Variants in E2F3 observed in about 807,000 individuals in gnomAD.
E2F3 encodes the protein E2F transcription factor 3.
E2F3 carries 11 observed loss-of-function variants against 44.4 expected under a neutral mutation model. The ratio of observed to expected loss-of-function variants is 0.25; its 90% CI spans 0.16 to 0.41. E2F3 has a LOEUF of 0.41. E2F3 is among the 10% of genes least tolerant of loss of function. E2F3 has a pLI of 1.00. For missense variants in E2F3, 487 were observed against 583.6 expected, an observed-to-expected ratio of 0.83 and a Z score of 1.70; for synonymous variants, 249 against 253.0, an observed-to-expected ratio of 0.98 and a Z score of 0.15.
Position 20,424,210 on chromosome 6 carries a change from GGTGTGTGT to G in E2F3, c.393+21618_393+21625del, listed in dbSNP as rs57286350. Among the ~76,000 whole-genome samples, 570 of 136,992 alleles carry G rather than the reference GGTGTGTGT, an allele frequency of 4.2e-3. 5 individuals are homozygous for G. The highest frequency in any genetic ancestry group is 0.015 in the African/African-American group (545 of 36,516). 89.9% of individuals were successfully genotyped at this position (136,992 alleles called of 152,430 possible). ...TTTTGATCTTTAACCTCAGTGGAAGGGTGTGTGTGTGTGTGTGTGTGTGTGTGTGTGTG... is the reference window on the plus strand; with the variant it reads ...TTTTGATCTTTAACCTCAGTGGAAGGGTGTGTGTGTGTGTGTGTGTGTGTG... On this transcript the variant is annotated intron_variant, in intron 1 of 6. Transcript: ENST00000346618.
intron 1 of E2F3, among the ~76,000 whole-genome samples, chr6:20,449,712 A>T (rs1561866271): frequency 6.6e-6 from 1 of 152,156 alleles, no homozygotes; most frequent in South Asian, 2.1e-4. Flanking sequence ...AGATTATTTC[A>T]TCACACAGGT....
chr6:20,488,051 T>G, intron 5 of E2F3, 62 bp from the exon 6 acceptor site: 1 of 1,591,602 alleles, frequency 6.3e-7, no homozygotes, highest in Non-Finnish European at 8.5e-7. Flanking sequence ...TAGACAAGAA[T>G]TACTATGGCT....
rs1173928490 is a variant in E2F3 at position 20,465,919 on chromosome 6, TA to T, written c.394-13926del. Among the ~76,000 whole-genome samples the T allele has an allele frequency of 2.0e-5, 3 of 152,194 alleles. No individual in the cohort carries two copies. In the East Asian group the frequency reaches 5.8e-4, roughly 29 times the overall value. Reference sequence around the variant, plus strand: ...GCTGCTATAAACATGCGTGTGCAAATATTTTTTTTGAATAATGACTTCTTTT... The same window carrying T: ...GCTGCTATAAACATGCGTGTGCAAATTTTTTTTTGAATAATGACTTCTTTT... On this transcript the variant is annotated intron_variant, in intron 1 of 6. Transcript: ENST00000346618.
At chr6:20,488,288 A>C (rs1173158712) in intron 6 of E2F3, 40 bp downstream of exon 6, 4 of 1,551,058 alleles carry the variant, frequency 2.6e-6, no homozygotes, top group Non-Finnish European at 2.6e-6. Context: ...CTATGTTAAA[A>C]ATGAGGGTGA....
chr6:20,475,040 A>T (rs1404067122), intron 1 of E2F3, among the ~76,000 whole-genome samples: 5 of 152,270 alleles, frequency 3.3e-5, no homozygotes, highest in African/African-American at 1.2e-4. Context: ...TCCTGGGAGG[A>T]ATTCTGGGGC....
Position 20,489,453 on chromosome 6 carries a change from C to G in E2F3, c.1136-715C>G, listed in dbSNP as rs931210593. 5.3e-5 allele frequency among the ~76,000 whole-genome samples: 8 copies of G among 151,944 alleles called. No homozygotes were observed. The East Asian group carries it at 1.6e-3, about 30-fold the overall frequency. On this transcript the variant is annotated intron_variant, in intron 6 of 6. Transcript: ENST00000346618. ...AGCCACTACACTCCAGCGTAGACAA[C>G]ATAGCAAGACGCCGTCTCTTAAAAA...
intron 1 of E2F3, among the ~76,000 whole-genome samples, chr6:20,416,528 T>C (rs1402240764): frequency 6.6e-6 from 1 of 152,224 alleles, no homozygotes; most frequent in Non-Finnish European, 1.5e-5. Flanking sequence ...TGGTTCTAAG[T>C]ATGTGGTGCT....
chr6:20,462,814 T>A (rs552207505), intron 1 of E2F3, among the ~76,000 whole-genome samples: 3 of 145,966 alleles, frequency 2.1e-5, no homozygotes, highest in Non-Finnish European at 4.5e-5. Flanking sequence ...GCAGGGCAGG[T>A]CTCTCTATCT....
chr6:20,490,073 A>C lies in E2F3; in HGVS notation c.1136-95A>C. ...CATTGTCATTATTTGCGGAAGGTACATGCTTTTTTCTAACAGCAACATATA... is the reference window on the plus strand; with the variant it reads ...CATTGTCATTATTTGCGGAAGGTACCTGCTTTTTTCTAACAGCAACATATA... On this transcript the variant is annotated intron_variant, in intron 6 of 6. Transcript: ENST00000346618. The surrounding 1 kb of genome is among the most constrained non-coding windows in gnomAD (Gnocchi z 4.3). The C allele has an allele frequency of 1.5e-6, 2 of 1,348,156 alleles. No individual in the cohort carries two copies. Among genetic ancestry groups the C allele is most frequent in the South Asian group, 1.5e-5 (1 of 68,044 alleles). The allele number at this position is 1,348,156 out of a possible 1,614,324, so 83.5% of individuals were successfully genotyped here.
At chr6:20,457,348 CTTTTT>C (rs60238519) in intron 1 of E2F3, among the ~76,000 whole-genome samples, 1 of 109,484 alleles carries the variant, frequency 9.1e-6, no homozygotes, top group Non-Finnish European at 1.7e-5. Flanking sequence ...CTTATTTTTT[CTTTTT>C]TTTTTTTTTT....
At chr6:20,430,155 C>G (rs563372137) in intron 1 of E2F3, among the ~76,000 whole-genome samples, 28 of 152,138 alleles carry the variant, frequency 1.8e-4, no homozygotes, top group Non-Finnish European at 3.5e-4. Context: ...ATAAAATACA[C>G]GATGCCAAGT....
At chr6:20,459,021 T>C (rs1373665055) in intron 1 of E2F3, among the ~76,000 whole-genome samples, 3 of 152,164 alleles carry the variant, frequency 2.0e-5, no homozygotes, top group Non-Finnish European at 2.9e-5. Flanking sequence ...CCCAGCACTT[T>C]AGGAGGCCAA....
At chr6:20,418,642 C>G (rs2127588862) in intron 1 of E2F3, among the ~76,000 whole-genome samples, 2 of 152,292 alleles carry the variant, frequency 1.3e-5, no homozygotes, top group Admixed American at 1.3e-4. Flanking sequence ...TGTTCTCGAT[C>G]AGAAGGTTAT....
chr6:20,404,782 G>A (rs369461762), intron 1 of E2F3, among the ~76,000 whole-genome samples: 1 of 152,258 alleles, frequency 6.6e-6, no homozygotes, highest in East Asian at 1.9e-4. Flanking sequence ...TACCTGCTTA[G>A]ACATAGCAGT....
Position 20,463,262 on chromosome 6 carries a change from A to G in E2F3, c.394-16584A>G, listed in dbSNP as rs541944209. On this transcript the variant is annotated intron_variant, in intron 1 of 6. Transcript: ENST00000346618. ...GATAATCAATTTTAAAAATTAGTAA[A>G]TTGTGGCCAGGTGCAGTGGCACACA... is the stretch of plus-strand genomic sequence containing the variant. Among the ~76,000 whole-genome samples, 5 of 152,258 alleles carry G rather than the reference A, an allele frequency of 3.3e-5. 1 individual carries two copies. In the South Asian group the frequency reaches 1.0e-3, roughly 32 times the overall value.
At position 20,418,507 on chromosome 6, in the gene E2F3, T is replaced by C. The variant is rs1180044465; in HGVS notation, c.393+15882T>C. Among the ~76,000 whole-genome samples the C allele has an allele frequency of 2.0e-5, 3 of 152,254 alleles. No homozygotes were observed. The East Asian group carries it at 5.8e-4, about 29-fold the overall frequency. The stretch of plus-strand genomic sequence containing the variant: ...TGCAGGATTAGGAATTCTGATTTAC[T>C]GATCTGGAGGGCGGCTTTGTGTTAA... On this transcript the variant is annotated intron_variant, in intron 1 of 6. Coordinates refer to ENST00000346618, the MANE Select transcript of E2F3 (RefSeq NM_001949.5).
At chr6:20,422,483 A>G (rs1184814860) in intron 1 of E2F3, among the ~76,000 whole-genome samples, 1 of 152,226 alleles carries the variant, frequency 6.6e-6, no homozygotes, top group Admixed American at 6.5e-5. Context: ...TTCCCTTCAC[A>G]TTCACAACCT....
chr6:20,438,851 T>C (rs1760678761), intron 1 of E2F3, among the ~76,000 whole-genome samples: 1 of 152,218 alleles, frequency 6.6e-6, no homozygotes, highest in African/African-American at 2.4e-5. Flanking sequence ...GGAGTAATTG[T>C]CTTCTGTTTA....
chr6:20,460,456 A>G (rs188800929), intron 1 of E2F3, among the ~76,000 whole-genome samples: 6 of 152,252 alleles, frequency 3.9e-5, no homozygotes, highest in Admixed American at 3.3e-4. Flanking sequence ...TTACTTGTTA[A>G]AGGAAAGATG....
Sources: allele counts gnomAD v4.1 joint callset (sites outside exome capture counted in the v4.1 genomes callset), GRCh38; gene constraint gnomAD v4.1.1; non-coding constraint Gnocchi (gnomAD v3.1); transcripts MANE v1.5; gene names NCBI Gene and HGNC (gene_info 2026-07-23, HGNC 2026-07-21).